NKAIN3: variants seen among roughly 807,000 people sequenced by gnomAD.
The protein encoded by NKAIN3 is sodium/potassium transporting ATPase interacting 3, also known as sodium/potassium-transporting ATPase subunit beta-1-interacting protein 3.
In NKAIN3, 25 loss-of-function variants were observed where a neutral mutation model predicts 30.2. That is an observed-to-expected ratio of 0.83 (90% CI 0.60 to 1.16). The LOEUF is 1.16. Ranked by LOEUF, NKAIN3 falls within the 50% of genes most tolerant of loss-of-function variation. The probability of loss-of-function intolerance (pLI) is 0.00; values close to 1 mark genes in which losing one functional copy is unlikely to be tolerated. For synonymous variants in NKAIN3, 91 were observed against 89.6 expected, an observed-to-expected ratio of 1.02 and a Z score of -0.09; for missense variants, 225 against 254.1, an observed-to-expected ratio of 0.89 and a Z score of 0.78.
At chr8:62,852,370 G>A (rs1357195396) in intron 4 of NKAIN3, among the ~76,000 whole-genome samples, 37 of 151,844 alleles carry the variant, frequency 2.4e-4, no homozygotes, top group Non-Finnish European at 4.0e-4. Flanking sequence ...TCTTGCTAGC[G>A]GGCTATCAAT....
chr8:62,500,787 A>AG (rs911237557), intron 1 of NKAIN3, among the ~76,000 whole-genome samples: 5 of 152,164 alleles, frequency 3.3e-5, no homozygotes, highest in African/African-American at 1.2e-4. Flanking sequence ...AGGCACCAAG[A>AG]GGGGAATGAT....
At chr8:62,291,158 C>T (rs7822422) in intron 1 of NKAIN3, among the ~76,000 whole-genome samples, 9,470 of 151,862 alleles carry the variant, frequency 0.062, 977 homozygotes, top group African/African-American at 0.21. Context: ...GCTAGCAGTC[C>T]ATCAATTTTG....
chr8:62,617,079 T>TC (rs58422601), intron 3 of NKAIN3, among the ~76,000 whole-genome samples: 73,169 of 152,020 alleles, frequency 0.48, 20,688 homozygotes, highest in African/African-American at 0.79. Flanking sequence ...ATGCACCTGC[T>TC]CCACTTTTCT....
chr8:62,566,318 T>C (rs1308573010), intron 1 of NKAIN3, among the ~76,000 whole-genome samples: 1 of 152,132 alleles, frequency 6.6e-6, no homozygotes, highest in Non-Finnish European at 1.5e-5. Flanking sequence ...ATAGCATATA[T>C]AATATTTTAT....
chr8:62,522,324 A>G, intron 1 of NKAIN3, among the ~76,000 whole-genome samples: 1 of 152,166 alleles, frequency 6.6e-6, no homozygotes, highest in East Asian at 1.9e-4. Flanking sequence ...AAACAAACCT[A>G]TGTACAGCCA....
intron 1 of NKAIN3, among the ~76,000 whole-genome samples, chr8:62,423,662 T>C (rs1289200444): frequency 1.3e-5 from 2 of 152,014 alleles, no homozygotes; most frequent in East Asian, 3.9e-4. Context: ...AAATTAAGAT[T>C]ATTTTTCAGC....
chr8:62,523,971 T>C (rs920231815), intron 1 of NKAIN3, among the ~76,000 whole-genome samples: 4 of 152,118 alleles, frequency 2.6e-5, no homozygotes, highest in Non-Finnish European at 5.9e-5. Context: ...ATTTTACAGA[T>C]ATTTAGCATA....
At chr8:62,797,395 C>T (rs932676560) in intron 4 of NKAIN3, among the ~76,000 whole-genome samples, 1 of 152,170 alleles carries the variant, frequency 6.6e-6, no homozygotes, top group Non-Finnish European at 1.5e-5. Context: ...AAGAATGATT[C>T]TACCAAAATC....
At chr8:62,513,696 C>T (rs1807884609) in intron 1 of NKAIN3, among the ~76,000 whole-genome samples, 1 of 151,472 alleles carries the variant, frequency 6.6e-6, no homozygotes, top group African/African-American at 2.4e-5. Context: ...GGAGAAATCC[C>T]ATCTCTACAA....
chr8:62,402,483 G>A (rs897749570), intron 1 of NKAIN3, among the ~76,000 whole-genome samples: 2 of 152,174 alleles, frequency 1.3e-5, no homozygotes, highest in Non-Finnish European at 2.9e-5. Flanking sequence ...GTTGTGGGAG[G>A]GACCTGGTGG....
chr8:62,457,800 ATATAT>A (rs1805864738), intron 1 of NKAIN3, among the ~76,000 whole-genome samples: 1 of 152,218 alleles, frequency 6.6e-6, no homozygotes, highest in Admixed American at 6.5e-5. Context: ...TGGATTTGCC[ATATAT>A]TATAAATTGC....
At chr8:62,338,989 T>A (rs1815654550) in intron 1 of NKAIN3, among the ~76,000 whole-genome samples, 1 of 152,008 alleles carries the variant, frequency 6.6e-6, no homozygotes, top group Non-Finnish European at 1.5e-5. Context: ...TACTCAGTAT[T>A]AACCATCACA....
At chr8:62,879,553 T>C (rs543409316) in intron 4 of NKAIN3, among the ~76,000 whole-genome samples, 1 of 152,306 alleles carries the variant, frequency 6.6e-6, no homozygotes, top group South Asian at 2.1e-4. Flanking sequence ...TGTTGTGTTT[T>C]TGTTGTTGCA....
intron 1 of NKAIN3, among the ~76,000 whole-genome samples, chr8:62,553,656 C>G (rs1270594469): frequency 6.6e-6 from 1 of 151,908 alleles, no homozygotes; most frequent in Non-Finnish European, 1.5e-5. Flanking sequence ...CTTGCCTCAG[C>G]CTCCCGAACA....
At chr8:62,807,893 T>C (rs1236305620) in intron 4 of NKAIN3, among the ~76,000 whole-genome samples, 1 of 151,482 alleles carries the variant, frequency 6.6e-6, no homozygotes, top group African/African-American at 2.4e-5. Flanking sequence ...AAAAATGAGA[T>C]TGTGATTATG....
At position 62,374,026 on chromosome 8, in the gene NKAIN3, T is replaced by C. The variant is rs112915510; in HGVS notation, c.54+124899T>C. Among the ~76,000 whole-genome samples the C allele has an allele frequency of 2.2e-3, 334 of 149,238 alleles. 2 individuals are homozygous for C. Among genetic ancestry groups the C allele is most frequent in the African/African-American group, 7.4e-3 (295 of 39,930 alleles). ...TACTTGGGAGGCTGAGGCAGGAGAA[T>C]TGCTTGAACCTGGGAGGCAGAGGTT... is the stretch of plus-strand genomic sequence containing the variant. On this transcript the variant is annotated intron_variant, in intron 1 of 6. Coordinates refer to ENST00000623646, the MANE Select transcript of NKAIN3 (RefSeq NM_001304533.3).
chr8:62,486,409 C>CA (rs147115278), intron 1 of NKAIN3, among the ~76,000 whole-genome samples: 6,682 of 147,592 alleles, frequency 0.045, 468 homozygotes, highest in African/African-American at 0.15. Context: ...CTTTCTTTTT[C>CA]AAAAAAAAAA....
intron 3 of NKAIN3, among the ~76,000 whole-genome samples, chr8:62,664,981 G>A (rs1199767587): frequency 6.6e-6 from 1 of 152,046 alleles, no homozygotes; most frequent in Non-Finnish European, 1.5e-5. Flanking sequence ...TTTAATTCTA[G>A]AGACTTTTGA....
At chr8:62,692,099 C>T (rs1379828214) in intron 3 of NKAIN3, among the ~76,000 whole-genome samples, 10 of 152,200 alleles carry the variant, frequency 6.6e-5, no homozygotes, top group South Asian at 2.1e-4. Context: ...TGGCAGGTTC[C>T]GAGAGAGAAG....
Sources: gnomAD v4.1 joint callset for allele counts (sites outside exome capture counted in the v4.1 genomes callset) on GRCh38, gnomAD v4.1.1 for gene constraint, MANE v1.5 for transcripts, NCBI Gene and HGNC (gene_info 2026-07-23, HGNC 2026-07-21) for gene names.